Variants in CNTNAP2 observed in about 807,000 individuals in gnomAD.
CNTNAP2 encodes the protein contactin associated protein 2.
A neutral mutation model predicts 155.2 loss-of-function variants in CNTNAP2; 98 were observed. The ratio of observed to expected loss-of-function variants is 0.63; its 90% CI spans 0.54 to 0.75. The LOEUF (loss-of-function observed/expected upper bound fraction) is 0.75. Ranked by LOEUF, CNTNAP2 falls within the 30% of genes least tolerant of loss-of-function variation. The probability of loss-of-function intolerance (pLI) is 0.00; values close to 1 mark genes in which losing one functional copy is unlikely to be tolerated. For synonymous variants in CNTNAP2, 651 were observed against 631.2 expected, an observed-to-expected ratio of 1.03 and a Z score of -0.47; for missense variants, 1,727 against 1,688.1, an observed-to-expected ratio of 1.02 and a Z score of -0.40.
intron 14 of CNTNAP2, among the ~76,000 whole-genome samples, chr7:147,975,029 T>C (rs1235735514): frequency 2.0e-5 from 3 of 151,584 alleles, no homozygotes; most frequent in Non-Finnish European, 4.4e-5. Flanking sequence ...GTATTACATA[T>C]AATACAATTT....
At chr7:147,042,834 A>G (rs1271992559) in intron 3 of CNTNAP2, among the ~76,000 whole-genome samples, 2 of 152,170 alleles carry the variant, frequency 1.3e-5, no homozygotes, top group Admixed American at 6.6e-5. Context: ...ACCTCAAGTT[A>G]TCTATTATAG....
At chr7:148,093,448 A>C (rs1803893067) in intron 15 of CNTNAP2, among the ~76,000 whole-genome samples, 1 of 152,248 alleles carries the variant, frequency 6.6e-6, no homozygotes, top group Non-Finnish European at 1.5e-5. Flanking sequence ...TCTGTTCAAC[A>C]TACTTGGAAA....
At chr7:146,179,477 C>A (rs1436441042) in intron 1 of CNTNAP2, among the ~76,000 whole-genome samples, 4 of 152,074 alleles carry the variant, frequency 2.6e-5, no homozygotes, top group African/African-American at 9.7e-5. Context: ...AATTGATATG[C>A]CTGCCTTAAA....
intron 21 of CNTNAP2, among the ~76,000 whole-genome samples, chr7:148,292,156 C>T (rs1272258406): frequency 6.6e-6 from 1 of 152,122 alleles, no homozygotes; most frequent in African/African-American, 2.4e-5. Context: ...CAGGTTTTCA[C>T]AAAGGAAGTT....
chr7:146,721,885 A>ATTTTTTTTTTTTTTT (rs1801338875), intron 1 of CNTNAP2, among the ~76,000 whole-genome samples: 1 of 80,102 alleles, frequency 1.2e-5, no homozygotes, highest in Non-Finnish European at 2.0e-5. Context: ...GTATATATAT[A>ATTTTTTTTTTTTTTT]TATATTTTTT....
intron 1 of CNTNAP2, among the ~76,000 whole-genome samples, chr7:146,701,131 C>G (rs184201773): frequency 1.3e-5 from 2 of 152,078 alleles, no homozygotes; most frequent in Non-Finnish European, 2.9e-5. Context: ...ATAAATAAAA[C>G]CAACTGCTTA....
At chr7:147,908,437 C>G (rs1315274727) in intron 14 of CNTNAP2, among the ~76,000 whole-genome samples, 1 of 152,170 alleles carries the variant, frequency 6.6e-6, no homozygotes, top group African/African-American at 2.4e-5. Flanking sequence ...CATGGGGCAC[C>G]AGGCAGTCTG....
chr7:146,736,535 T>A (rs1380120045), intron 1 of CNTNAP2, among the ~76,000 whole-genome samples: 1 of 152,186 alleles, frequency 6.6e-6, no homozygotes, highest in Non-Finnish European at 1.5e-5. Context: ...CTATCTTTCA[T>A]GAGGCAACTG....
intron 1 of CNTNAP2, among the ~76,000 whole-genome samples, chr7:146,273,788 C>T (rs76460557): frequency 6.6e-6 from 1 of 152,064 alleles, no homozygotes; most frequent in Non-Finnish European, 1.5e-5. Context: ...TTGTACTGGC[C>T]GGTTACTTAA....
At chr7:148,200,377 C>A (rs1795348869) in intron 18 of CNTNAP2, among the ~76,000 whole-genome samples, 1 of 151,694 alleles carries the variant, frequency 6.6e-6, no homozygotes, top group South Asian at 2.1e-4. Flanking sequence ...AATGTGGGTC[C>A]CATTACACTT....
At chr7:147,026,912 TAAAA>T (rs35008433) in intron 3 of CNTNAP2, among the ~76,000 whole-genome samples, 1 of 122,344 alleles carries the variant, frequency 8.2e-6, no homozygotes, top group Non-Finnish European at 1.7e-5. Context: ...GTCTCAGTGC[TAAAA>T]AAAAAAAAAA....
At chr7:146,126,616 G>A (rs184691246) in intron 1 of CNTNAP2, among the ~76,000 whole-genome samples, 1 of 152,290 alleles carries the variant, frequency 6.6e-6, no homozygotes, top group Non-Finnish European at 1.5e-5. Context: ...CAGTTCTCAG[G>A]AAATGTTGAA....
At chr7:148,367,931 G>T (rs1798816268) in intron 21 of CNTNAP2, among the ~76,000 whole-genome samples, 1 of 152,164 alleles carries the variant, frequency 6.6e-6, no homozygotes, top group African/African-American at 2.4e-5. Flanking sequence ...GTAATGATAG[G>T]ACTAGAGAAT....
chr7:147,371,518 C>T (rs369469619), intron 9 of CNTNAP2, among the ~76,000 whole-genome samples: 1 of 152,150 alleles, frequency 6.6e-6, no homozygotes, highest in African/African-American at 2.4e-5. Flanking sequence ...CTTTGAAATT[C>T]ATGAAAATTG....
intron 15 of CNTNAP2, among the ~76,000 whole-genome samples, chr7:148,089,479 A>G (rs1041999712): frequency 6.6e-6 from 1 of 152,076 alleles, no homozygotes; most frequent in East Asian, 1.9e-4. Context: ...ATCAACATAC[A>G]AAAATCAACA....
At chr7:146,995,324 T>C (rs984186501) in intron 3 of CNTNAP2, among the ~76,000 whole-genome samples, 4 of 152,126 alleles carry the variant, frequency 2.6e-5, no homozygotes, top group Admixed American at 1.3e-4. Flanking sequence ...TTCAACATAA[T>C]GACTTTATTT....
At chr7:148,166,694 C>T (rs1805668882) in intron 17 of CNTNAP2, among the ~76,000 whole-genome samples, 2 of 152,312 alleles carry the variant, frequency 1.3e-5, no homozygotes, top group South Asian at 4.1e-4. Flanking sequence ...ACCCACATCT[C>T]ACCTTGGATA....
intron 9 of CNTNAP2, among the ~76,000 whole-genome samples, chr7:147,381,850 A>G (rs1020799150): frequency 1.3e-5 from 2 of 152,044 alleles, no homozygotes; most frequent in African/African-American, 4.8e-5. Flanking sequence ...TTATATGAAA[A>G]TAAGATGGGA....
At position 146,784,988 on chromosome 7, in the gene CNTNAP2, T is replaced by C. The variant is rs576181931; in HGVS notation, c.208+10607T>C. Among the ~76,000 whole-genome samples, 1,204 of 140,822 alleles carry C rather than the reference T, an allele frequency of 8.5e-3. 12 individuals are homozygous for C. Among genetic ancestry groups the C allele is most frequent in the African/African-American group, 0.03 (1,139 of 38,452 alleles). 92.4% of individuals were successfully genotyped at this position (140,822 alleles called of 152,430 possible). On this transcript the variant is annotated intron_variant, in intron 2 of 23. Coordinates refer to ENST00000361727, the MANE Select transcript of CNTNAP2 (RefSeq NM_014141.6). The stretch of plus-strand genomic sequence containing the variant: ...TATCCCTTTGCTTTTTTTTTTTTTT[T>C]CTTTTAAGACAAGGTTTGTCACCCA...
Sources: allele counts gnomAD v4.1 joint callset (sites outside exome capture counted in the v4.1 genomes callset), GRCh38; gene constraint gnomAD v4.1.1; transcripts MANE v1.5; gene names NCBI Gene and HGNC (gene_info 2026-07-23, HGNC 2026-07-21).